The following AGAP1 variants were observed in gnomAD, a reference collection of about 807,000 sequenced individuals.
AGAP1 encodes the protein ArfGAP with GTPase domain, ankyrin repeat and PH domain 1.
AGAP1 carries 29 observed loss-of-function variants against 105.3 expected under a neutral mutation model. That is an observed-to-expected ratio of 0.28 (90% CI 0.21 to 0.38). The LOEUF (loss-of-function observed/expected upper bound fraction) is 0.38, where lower values mean the gene tolerates loss of function less well. Ranked by LOEUF, AGAP1 falls within the 10% of genes least tolerant of loss-of-function variation. The pLI is 1.00. For missense variants in AGAP1, 998 were observed against 1,165.1 expected (o/e 0.86, Z 2.09); for synonymous variants, 509 against 485.9 (o/e 1.05, Z -0.63).
chr2:235,916,819 T>C (rs1473759370), intron 11 of AGAP1, among the ~76,000 whole-genome samples: 30 of 152,204 alleles, frequency 2.0e-4, no homozygotes, highest in Non-Finnish European at 1.5e-5. Flanking sequence ...CAATAAAGCA[T>C]TGACATAGCC....
chr2:235,816,178 C>G (rs1283357760), intron 9 of AGAP1, among the ~76,000 whole-genome samples: 2 of 152,172 alleles, frequency 1.3e-5, no homozygotes, highest in Non-Finnish European at 2.9e-5. Context: ...TGGCTCACGC[C>G]GGTAATCCCA....
At chr2:235,975,045 G>A (rs1033167212) in intron 13 of AGAP1, among the ~76,000 whole-genome samples, 12 of 152,224 alleles carry the variant, frequency 7.9e-5, no homozygotes, top group African/African-American at 2.9e-4. Flanking sequence ...CTAACCTGTT[G>A]TAGAGCTTAA....
In AGAP1 at chr2:235,792,663, C is replaced by T. The variant is rs1001980168; in HGVS notation, c.674-5096C>T. Among the ~76,000 whole-genome samples, 3 of 152,172 alleles carry T rather than the reference C, an allele frequency of 2.0e-5. No homozygotes were observed. Among genetic ancestry groups the T allele is most frequent in the African/African-American group, 7.2e-5 (3 of 41,436 alleles). Reference sequence around the variant, plus strand: ...TGGTTGAACCAATCATCTGTTAGGTCTGTTCTGTCCATGGTGAAGAGCGGG... The same window carrying T: ...TGGTTGAACCAATCATCTGTTAGGTTTGTTCTGTCCATGGTGAAGAGCGGG... On this transcript the variant is annotated intron_variant, in intron 6 of 17. Transcript: ENST00000304032. The surrounding 1 kb of genome is among the most constrained non-coding windows in gnomAD (Gnocchi z 5.3).
intron 1 of AGAP1, among the ~76,000 whole-genome samples, chr2:235,640,696 T>C (rs116815962): frequency 0.045 from 6,917 of 152,276 alleles, 347 homozygotes; most frequent in African/African-American, 0.13. Context: ...CCATTTTTAT[T>C]CCCCTGTCTT....
chr2:235,945,952 G>A (rs1222451730), intron 12 of AGAP1, among the ~76,000 whole-genome samples: 1 of 151,948 alleles, frequency 6.6e-6, no homozygotes, highest in Non-Finnish European at 1.5e-5. Context: ...CAGATCTCAT[G>A]AGACCAACAC....
At position 235,555,551 on chromosome 2, in the gene AGAP1, G is replaced by A. The variant is rs1300261804; in HGVS notation, c.163+60702G>A. 3.3e-5 allele frequency among the ~76,000 whole-genome samples: 5 copies of A among 152,228 alleles called. No homozygotes were observed. The highest frequency in any genetic ancestry group is 6.5e-5 in the Admixed American group (1 of 15,276). Reference sequence around the variant, plus strand: ...CTTATGTCATGTTCCCTCTGCCACCGCCAGCTGTCCTGCAGCAGGAAGAGG... The same window carrying A: ...CTTATGTCATGTTCCCTCTGCCACCACCAGCTGTCCTGCAGCAGGAAGAGG... On this transcript the variant is annotated intron_variant, in intron 1 of 17. Coordinates refer to ENST00000304032, the MANE Select transcript of AGAP1 (RefSeq NM_001037131.3). This position sits in a 1 kb window ranked among gnomAD's most constrained non-coding sequence, Gnocchi z 5.1.
chr2:235,942,492 A>G (rs982524536), intron 12 of AGAP1, among the ~76,000 whole-genome samples: 1 of 152,050 alleles, frequency 6.6e-6, no homozygotes, highest in Non-Finnish European at 1.5e-5. Flanking sequence ...AGCCTGACCA[A>G]CATGGAGATA....
In AGAP1 at chr2:236,095,788, C is replaced by T. The variant is rs1160523244; in HGVS notation, c.2115-24404C>T. The stretch of plus-strand genomic sequence containing the variant: ...TTCAGGGCTAGATTATGGATAGTTG[C>T]ACAGAGATAGTCCCTAAGAGCTGGC... On this transcript the variant is annotated intron_variant, in intron 16 of 17. Coordinates refer to ENST00000304032, the MANE Select transcript of AGAP1 (RefSeq NM_001037131.3). This position sits in a 1 kb window ranked among gnomAD's most constrained non-coding sequence, Gnocchi z 4.1. Among the ~76,000 whole-genome samples, 1 of 152,160 alleles carries T rather than the reference C, an allele frequency of 6.6e-6. No homozygotes were observed. Among genetic ancestry groups the T allele is most frequent in the Non-Finnish European group, 1.5e-5 (1 of 68,026 alleles).
chr2:235,833,900 GTAATTTCATGACCCAC>G (rs1393054008), intron 9 of AGAP1, among the ~76,000 whole-genome samples: 4 of 132,986 alleles, frequency 3.0e-5, no homozygotes, highest in African/African-American at 1.1e-4. Context: ...GCTCACTAAA[GTAATTTCATGACCCAC>G]TAATTATCTC....
intron 5 of AGAP1, among the ~76,000 whole-genome samples, chr2:235,746,978 T>C (rs1466451889): frequency 6.6e-6 from 1 of 152,154 alleles, no homozygotes; most frequent in African/African-American, 2.4e-5. Flanking sequence ...CACCTGCGTG[T>C]GACTGGCTGC....
In AGAP1 at chr2:235,961,220, G is replaced by A. The variant is rs2054171776; in HGVS notation, c.1484-7242G>A. Among the ~76,000 whole-genome samples the A allele has an allele frequency of 6.6e-6, 1 of 152,234 alleles. No homozygotes were observed. The highest frequency in any genetic ancestry group is 1.5e-5 in the Non-Finnish European group (1 of 68,040). ...AGCCACGGAGCACAGGGGGCCGGGA[G>A]GGGCTGGATGCGCCAGTGGCCAGCT... On this transcript the variant is annotated intron_variant, in intron 12 of 17. Transcript: ENST00000304032. This position sits in a 1 kb window ranked among gnomAD's most constrained non-coding sequence, Gnocchi z 5.9.
chr2:235,588,831 C>T (rs764428299), intron 1 of AGAP1, among the ~76,000 whole-genome samples: 15 of 152,260 alleles, frequency 9.9e-5, no homozygotes, highest in South Asian at 2.1e-4. Flanking sequence ...TTACCCAGCA[C>T]GTTGGGGATT....
chr2:235,946,795 C>T (rs2053520683), intron 12 of AGAP1, among the ~76,000 whole-genome samples: 1 of 152,008 alleles, frequency 6.6e-6, no homozygotes, highest in Non-Finnish European at 1.5e-5. Flanking sequence ...TGTGTGGTCC[C>T]GCCCCTCTGC....
At position 235,660,548 on chromosome 2, in the gene AGAP1, A is replaced by G. The variant is rs1230218902; in HGVS notation, c.164-48631A>G. Reference sequence around the variant, plus strand: ...CAGGTGTGCACAGGTGTGCCCAGGTATGAGGGGAGAAGAAGGGGTCAGGGC... The same window carrying G: ...CAGGTGTGCACAGGTGTGCCCAGGTGTGAGGGGAGAAGAAGGGGTCAGGGC... On this transcript the variant is annotated intron_variant, in intron 1 of 17. Transcript: ENST00000304032. This position sits in a 1 kb window ranked among gnomAD's most constrained non-coding sequence, Gnocchi z 5.3. Among the ~76,000 whole-genome samples, 1 of 152,028 alleles carries G rather than the reference A, an allele frequency of 6.6e-6. No individual in the cohort carries two copies. Among genetic ancestry groups the G allele is most frequent in the Non-Finnish European group, 1.5e-5 (1 of 67,994 alleles).
intron 13 of AGAP1, among the ~76,000 whole-genome samples, chr2:236,021,750 G>C (rs553589243): frequency 6.6e-6 from 1 of 152,094 alleles, no homozygotes; most frequent in South Asian, 2.1e-4. Flanking sequence ...TTGTTTTGGA[G>C]TCTTTTCTTA....
At chr2:235,783,694 C>A (rs754158122) in intron 6 of AGAP1, among the ~76,000 whole-genome samples, 4 of 152,058 alleles carry the variant, frequency 2.6e-5, no homozygotes, top group African/African-American at 7.2e-5. Context: ...TGAAAGAAAT[C>A]GGAAGAATGG....
chr2:235,844,589 C>T (rs1422852112), intron 9 of AGAP1, among the ~76,000 whole-genome samples: 1 of 152,166 alleles, frequency 6.6e-6, no homozygotes, highest in Non-Finnish European at 1.5e-5. Context: ...CCCTGACCTT[C>T]CCACGAAGCT....
At chr2:236,037,316 C>T (rs1047318205) in intron 14 of AGAP1, 3 of 151,976 alleles carry the variant, frequency 2.0e-5, no homozygotes, top group Non-Finnish European at 4.4e-5. Flanking sequence ...ACGCCACCCC[C>T]AAATGTTTCT....
chr2:235,938,416 G>A (rs983026228), intron 12 of AGAP1, among the ~76,000 whole-genome samples: 7 of 152,242 alleles, frequency 4.6e-5, no homozygotes, highest in African/African-American at 1.7e-4. Context: ...CCTGCTGCGC[G>A]TATGAAGACA....
Sources: allele counts gnomAD v4.1 joint callset (sites outside exome capture counted in the v4.1 genomes callset), GRCh38; gene constraint gnomAD v4.1.1; non-coding constraint Gnocchi (gnomAD v3.1); transcripts MANE v1.5; gene names NCBI Gene and HGNC (gene_info 2026-07-23, HGNC 2026-07-21).